Variants in FAM209B observed in about 807,000 individuals in gnomAD.
The protein encoded by FAM209B is protein FAM209B.
A neutral mutation model predicts 8.9 loss-of-function variants in FAM209B; 8 were observed. The ratio of observed to expected loss-of-function variants is 0.90; its 90% confidence interval spans 0.53 to 1.62. The LOEUF (loss-of-function observed/expected upper bound fraction) is 1.62. Ranked by LOEUF, FAM209B falls within the 40% of genes most tolerant of loss-of-function variation. The pLI is 0.00. For synonymous variants in FAM209B, 67 were observed against 75.0 expected, an observed-to-expected ratio of 0.89 and a Z score of 0.55; for missense variants, 175 against 205.3, an observed-to-expected ratio of 0.85 and a Z score of 0.90.
Position 56,536,238 on chromosome 20 carries a change from T to G in FAM209B, c.316T>G (p.Ser106Ala). 1 of 1,598,168 alleles carries G rather than the reference T, an allele frequency of 6.3e-7. No individual in the cohort carries two copies. The highest frequency in any genetic ancestry group is 8.5e-7 in the Non-Finnish European group (1 of 1,172,018). The change falls in exon 2 of 2, where the codon TCT becomes GCT. Residue 106 changes from serine to alanine, a missense_variant. This residue lies in a region of FAM209B where 166 missense variants were observed against 174.5 expected (regional missense o/e 0.95). Coordinates refer to ENST00000371325, the MANE Select transcript of FAM209B (RefSeq NM_001013646.4). ...TCCACTAAAGAAAAATCAAAATGCT[T>G]CTCTTTACAAAGACTGTGTATTCAA... ...RTPLKKNQNA[S>A]LYKDCVFNTL...
intron 1 of FAM209B, among the ~76,000 whole-genome samples, chr20:56,535,526 G>A (rs1365357161): frequency 6.6e-6 from 1 of 152,152 alleles, no homozygotes. Flanking sequence ...GGGAGGCAGA[G>A]GTTGCAGTGA....
intron 1 of FAM209B, 89 bp downstream of exon 1, chr20:56,533,679 C>T (rs1057167928): frequency 2.4e-5 from 38 of 1,557,674 alleles, no homozygotes; most frequent in Admixed American, 5.4e-5. Context: ...TAGGCGGCAC[C>T]GTTGGGTATA....
At chr20:56,533,760 A>T (rs1000155827) in intron 1 of FAM209B, among the ~76,000 whole-genome samples, 170 bp downstream of exon 1, 14 of 152,216 alleles carry the variant, frequency 9.2e-5, no homozygotes, top group African/African-American at 3.1e-4. Context: ...TGAAGACAAT[A>T]GTCCCCACAT....
Position 56,533,411 on chromosome 20 carries a change from T to C in FAM209B, c.70T>C (p.Ser24Pro). Reference protein sequence around the residue: ...LTCSYAFMFSSLRQKTSEPQG... With the variant: ...LTCSYAFMFSPLRQKTSEPQG... The stretch of plus-strand genomic sequence containing the variant: ...CTGCAGCTATGCCTTTATGTTCTCT[T>C]CTCTGAGACAGAAAACTAGCGAACC... The change falls in exon 1 of 2, where the codon TCT (serine) becomes CCT (proline). Residue 24 changes from serine (S) to proline (P), a missense_variant. Transcript: ENST00000371325. 1 of 1,614,028 alleles carries C rather than the reference T, an allele frequency of 6.2e-7. No homozygotes were observed. Among genetic ancestry groups the C allele is most frequent in the Middle Eastern group, 1.6e-4 (1 of 6,062 alleles).
chr20:56,533,291 G>T lies in FAM209B; in HGVS notation c.-51G>T, dbSNP rs368092373. 2.5e-6 allele frequency: 4 copies of T among 1,604,480 alleles called. No individual in the cohort carries two copies. In the South Asian group the frequency reaches 4.4e-5, roughly 18 times the overall value. On this transcript the variant is annotated 5_prime_UTR_variant, in exon 1 of 2. Transcript: ENST00000371325. The stretch of plus-strand genomic sequence containing the variant: ...ACCAGGTGCCCAGTCTTCCAGTTGC[G>T]AGGGCAAGCAAACCCGTCATGAGCA...
At position 56,536,250 on chromosome 20, in the gene FAM209B, G is replaced by A; in HGVS notation, c.328G>A (p.Asp110Asn). 6.2e-7 allele frequency: 1 copy of A among 1,607,964 alleles called. No homozygotes were observed. Among genetic ancestry groups the A allele is most frequent in the South Asian group, 1.1e-5 (1 of 89,942 alleles). ...AAATCAAAATGCTTCTCTTTACAAA[G>A]ACTGTGTATTCAATACCTTAAACGA... is the stretch of plus-strand genomic sequence containing the variant. The part of the protein sequence containing the change: ...KKNQNASLYK[D>N]CVFNTLNELE... The change falls in exon 2 of 2, where the codon GAC becomes AAC. Residue 110 changes from aspartate to asparagine, a missense_variant. Physicochemically the swap from Asp to Asn is conservative, Grantham distance 23 (BLOSUM62 1). Coordinates refer to ENST00000371325, the MANE Select transcript of FAM209B (RefSeq NM_001013646.4).
chr20:56,534,912 A>G (rs4630823), intron 1 of FAM209B, among the ~76,000 whole-genome samples: 85,834 of 151,176 alleles, frequency 0.57, 25,171 homozygotes, highest in Non-Finnish European at 0.62. Flanking sequence ...AATTAGGCGT[A>G]GTGGCGCATG....
chr20:56,535,746 A>G (rs1045950124), intron 1 of FAM209B, among the ~76,000 whole-genome samples: 1 of 152,208 alleles, frequency 6.6e-6, no homozygotes, highest in African/African-American at 2.4e-5. Flanking sequence ...CAAAGTGACC[A>G]TAAACAATTC....
At position 56,535,788 on chromosome 20, in the gene FAM209B, G is replaced by A. The variant is rs192202356; in HGVS notation, c.250-384G>A. ...GTAGAAGGAGAAAGGGAAAGAAAGC[G>A]TATTCTCCCCTAGAAAGACCCAGCA... is the stretch of plus-strand genomic sequence containing the variant. On this transcript the variant is annotated intron_variant, in intron 1 of 1. Transcript: ENST00000371325. 2.8e-4 allele frequency among the ~76,000 whole-genome samples: 42 copies of A among 152,242 alleles called. No homozygotes were observed. The South Asian group carries it at 3.1e-3, about 11-fold the overall frequency.
In FAM209B at chr20:56,536,301, G is replaced by T; in HGVS notation, c.379G>T (p.Val127Leu). Residue 127 changes from valine (V) to leucine (L), a missense_variant, in exon 2 of 2, where the codon GTG (valine) becomes TTG (leucine). This residue lies in a region of FAM209B where 166 missense variants were observed against 174.5 expected (regional missense o/e 0.95). Transcript: ENST00000371325. Reference sequence around the variant, plus strand: ...ACTTGAAGTGGAGCTTTTGAAATTTGTGTCCGAAGTGCAGAATCTTAAAGG... The same window carrying T: ...ACTTGAAGTGGAGCTTTTGAAATTTTTGTCCGAAGTGCAGAATCTTAAAGG... Reference protein sequence around the residue: ...NELEVELLKFVSEVQNLKGAM... With the variant: ...NELEVELLKFLSEVQNLKGAM... 6.2e-7 allele frequency: 1 copy of T among 1,613,856 alleles called. No homozygotes were observed.
chr20:56,535,210 A>C (rs56012959), intron 1 of FAM209B, among the ~76,000 whole-genome samples: 63,295 of 150,036 alleles, frequency 0.42, 13,791 homozygotes, highest in Non-Finnish European at 0.46. Flanking sequence ...CGACAAAGTG[A>C]GACTCTGTCT....
intron 1 of FAM209B, 78 bp downstream of exon 1, chr20:56,533,668 C>T: frequency 2.5e-6 from 4 of 1,577,672 alleles, no homozygotes; most frequent in Non-Finnish European, 3.4e-6. Flanking sequence ...TCTAGTGAGT[C>T]TAGGCGGCAC....
chr20:56,535,842 G>A (rs1985954913), intron 1 of FAM209B, among the ~76,000 whole-genome samples: 1 of 152,190 alleles, frequency 6.6e-6, no homozygotes, highest in Non-Finnish European at 1.5e-5. Flanking sequence ...AAACTGATTA[G>A]AGGAAGGATT....
rs61440263 is a variant in FAM209B at position 56,536,172 on chromosome 20, G to A, written c.250G>A (p.Glu84Lys). 5,788 of 1,533,042 alleles carry A rather than the reference G, an allele frequency of 3.8e-3. 161 individuals are homozygous for A. The African/African-American group carries it at 0.065, about 17-fold the overall frequency. The allele number at this position is 1,533,042 out of a possible 1,614,324, so 95.0% of individuals were successfully genotyped here. The change falls in exon 2 of 2, where the codon GAG becomes AAG. Residue 84 changes from glutamate (E) to lysine (K), a missense_variant and splice_region_variant. Glu to Lys is a moderately conservative substitution (Grantham distance 56). Around this residue, in one of 2 missense-constraint regions of FAM209B, gnomAD observed 166 missense variants for 174.5 expected, o/e 0.95. Coordinates refer to ENST00000371325, the MANE Select transcript of FAM209B (RefSeq NM_001013646.4). ...TGACCTTGAATATCTTTCTTGACAGGAGCAGAGTCCTCCTGGCCTTCGAGG... is the reference window on the plus strand; with the variant it reads ...TGACCTTGAATATCTTTCTTGACAGAAGCAGAGTCCTCCTGGCCTTCGAGG... ...QCQRDSEKNK[E>K]QSPPGLRGFP...
intron 1 of FAM209B, among the ~76,000 whole-genome samples, chr20:56,534,452 TA>T (rs1985893608): frequency 6.6e-6 from 1 of 151,408 alleles, no homozygotes; most frequent in African/African-American, 2.4e-5. Context: ...TCGTCTTTAC[TA>T]AAAATACAGA....
At chr20:56,535,698 AAAAG>A (rs1985951258) in intron 1 of FAM209B, among the ~76,000 whole-genome samples, 1 of 152,172 alleles carries the variant, frequency 6.6e-6, no homozygotes, top group Non-Finnish European at 1.5e-5. Context: ...ACAAACAAAA[AAAAG>A]AGATGAAGGT....
chr20:56,534,072 C>T (rs1985874639), intron 1 of FAM209B, among the ~76,000 whole-genome samples: 1 of 152,088 alleles, frequency 6.6e-6, no homozygotes, highest in Admixed American at 6.6e-5. Context: ...AGAAGAATGG[C>T]TTGAACCCTG....
At chr20:56,535,386 G>A (rs1215109585) in intron 1 of FAM209B, among the ~76,000 whole-genome samples, 1 of 151,866 alleles carries the variant, frequency 6.6e-6, no homozygotes, top group Non-Finnish European at 1.5e-5. Flanking sequence ...GAGGTCAGGA[G>A]TTCGAGACCA....
chr20:56,534,747 CAAAAAAAAAAA>C (rs74181055), intron 1 of FAM209B, among the ~76,000 whole-genome samples: 3 of 32,382 alleles, frequency 9.3e-5, no homozygotes, highest in Admixed American at 5.6e-4. Flanking sequence ...GACTCTGTCT[CAAAAAAAAAAA>C]AAAAAAAAAA....
Sources: gnomAD v4.1 joint callset for allele counts (sites outside exome capture counted in the v4.1 genomes callset) on GRCh38, gnomAD v4.1.1 for gene constraint, gnomAD v4.1.1 regional missense constraint, MANE v1.5 for transcripts, NCBI Gene and HGNC (gene_info 2026-07-23, HGNC 2026-07-21) for gene names.